GNAS: variants seen among roughly 807,000 people sequenced by gnomAD.
GNAS encodes protein ALEX.
In GNAS, 8 loss-of-function variants were observed where a neutral mutation model predicts 54.5. The ratio of observed to expected loss-of-function variants is 0.15; its 90% CI spans 0.09 to 0.26. The LOEUF is 0.26. Ranked by LOEUF, GNAS falls within the 10% of genes least tolerant of loss-of-function variation. The pLI is 1.00. For missense variants in GNAS, 170 were observed against 529.8 expected (o/e 0.32, Z 6.67); for synonymous variants, 204 against 191.4 (o/e 1.07, Z -0.54).
chr20:58,904,540 G>A (rs759584094), intron 5 of GNAS, among the ~76,000 whole-genome samples: 28 of 152,188 alleles, frequency 1.8e-4, no homozygotes, highest in Non-Finnish European at 2.8e-4. Flanking sequence ...GCTTATAAGC[G>A]GGGAACGGGA....
intron 1 of GNAS, among the ~76,000 whole-genome samples, chr20:58,879,080 T>G (rs2088043799): frequency 6.6e-6 from 1 of 152,210 alleles, no homozygotes; most frequent in South Asian, 2.1e-4. Context: ...TGCAGGCTTT[T>G]GAGAAACACA....
At chr20:58,840,753 G>A (rs142690161), upstream of GNAS, 3 of 1,606,400 alleles carry the variant, frequency 1.9e-6, no homozygotes, top group South Asian at 2.2e-5. This position sits in a 1 kb window ranked among gnomAD's most constrained non-coding sequence, Gnocchi z 6.0. Flanking sequence ...GAGAAGCAGC[G>A]GCGTCGCTGC....
At chr20:58,875,719 A>C (rs1206644279) in intron 1 of GNAS, among the ~76,000 whole-genome samples, 1 of 152,244 alleles carries the variant, frequency 6.6e-6, no homozygotes, top group Non-Finnish European at 1.5e-5. Flanking sequence ...AGTCAGGTTC[A>C]GATCGTAGCC....
upstream of GNAS, chr20:58,891,374 G>A: frequency 5.4e-6 from 1 of 183,616 alleles, no homozygotes. Context: ...GGGCGGCGGC[G>A]GGGGCCCGGC....
chr20:58,882,108 G>A (rs775854628), intron 1 of GNAS, among the ~76,000 whole-genome samples: 2 of 152,072 alleles, frequency 1.3e-5, no homozygotes, highest in Non-Finnish European at 1.5e-5. Flanking sequence ...TGGGTTTGTC[G>A]CCCAGGCTGG....
chr20:58,851,017 G>A (rs1005861326), intron 1 of GNAS: 2 of 397,886 alleles, frequency 5.0e-6, no homozygotes, highest in Non-Finnish European at 4.4e-6. Context: ...GGGTCGGAGG[G>A]GAGTGAGTTG....
chr20:58,860,908 C>T (rs1172113191), intron 1 of GNAS, among the ~76,000 whole-genome samples: 1 of 152,140 alleles, frequency 6.6e-6, no homozygotes, highest in Non-Finnish European at 1.5e-5. Context: ...GTGATCTGCC[C>T]ACCTTGGCCT....
intron 6 of GNAS, 76 bp downstream of exon 6, chr20:58,905,556 T>A: frequency 2.3e-6 from 2 of 861,310 alleles, no homozygotes; most frequent in Non-Finnish European, 4.0e-6. Flanking sequence ...GTGATCCTGC[T>A]TTGAAAGTTA....
upstream of GNAS, chr20:58,840,543 G>A (rs2145472008): frequency 6.2e-7 from 1 of 1,613,334 alleles, no homozygotes; most frequent in Middle Eastern, 1.6e-4. The surrounding 1 kb of genome is among the most constrained non-coding windows in gnomAD (Gnocchi z 6.0). Flanking sequence ...GACGATCGCG[G>A]CCCGGTGGTG....
At chr20:58,843,043 T>C (rs986598649) in intron 1 of GNAS, among the ~76,000 whole-genome samples, 1 of 152,194 alleles carries the variant, frequency 6.6e-6, no homozygotes, top group Non-Finnish European at 1.5e-5. Flanking sequence ...CTGTAAGCAA[T>C]GTACCATGTT....
In GNAS at chr20:58,856,887, T is replaced by C. The variant is rs2086541360; in HGVS notation, c.43+16001T>C. The C allele has an allele frequency of 6.6e-6, 1 of 151,142 alleles. No homozygotes were observed. Among genetic ancestry groups the C allele is most frequent in the South Asian group, 2.1e-4 (1 of 4,744 alleles). The allele number at this position is 151,142 out of a possible 1,614,324, so 9.4% of individuals were successfully genotyped here. The stretch of plus-strand genomic sequence containing the variant: ...CCCCACAGCAAGACCCTCTCCTGTA[T>C]CTCCCAGTCTTTCCCTGGCCATTCC... On this transcript the variant is annotated intron_variant, in intron 1 of 12. Coordinates refer to the GNAS transcript ENST00000306090. The surrounding 1 kb of genome is among the most constrained non-coding windows in gnomAD (Gnocchi z 4.2).
intron 1 of GNAS, among the ~76,000 whole-genome samples, chr20:58,861,928 C>T (rs940220934): frequency 1.3e-5 from 2 of 152,028 alleles, no homozygotes; most frequent in African/African-American, 2.4e-5. Flanking sequence ...GGGTCTCGAA[C>T]TCCTGACCTC....
At chr20:58,893,340 G>A (rs1165053142) in intron 1 of GNAS, among the ~76,000 whole-genome samples, 3 of 151,948 alleles carry the variant, frequency 2.0e-5, no homozygotes, top group African/African-American at 7.3e-5. Context: ...GGAAAAAAAT[G>A]TAATGAAATG....
chr20:58,876,502 C>G (rs763635838), intron 1 of GNAS: 1 of 151,814 alleles, frequency 6.6e-6, no homozygotes, highest in Non-Finnish European at 1.5e-5. Flanking sequence ...TTAAAAAGAC[C>G]CCTACATGAT....
intron 1 of GNAS, among the ~76,000 whole-genome samples, chr20:58,843,597 T>C (rs2085827649): frequency 6.6e-6 from 1 of 152,208 alleles, no homozygotes; most frequent in Non-Finnish European, 1.5e-5. Flanking sequence ...GATCTTATGG[T>C]GAACCACATA....
rs3787496 is a variant in GNAS, at chr20:58,863,399, G to T, written c.43+22513G>T. 3.3e-5 allele frequency: 5 copies of T among 152,204 alleles called. No individual in the cohort carries two copies. Among genetic ancestry groups the T allele is most frequent in the South Asian group, 4.2e-4 (2 of 4,818 alleles). 9.4% of individuals were successfully genotyped at this position (152,204 alleles called of 1,614,324 possible). A position where few individuals can be genotyped will look rare whatever the true frequency, so the allele number is the denominator to read the frequency against. On this transcript the variant is annotated intron_variant, in intron 1 of 12. Transcript: ENST00000306090. This position sits in a 1 kb window ranked among gnomAD's most constrained non-coding sequence, Gnocchi z 4.1. ...AGTTCTGCCCACAGAACTGCACATT[G>T]GATCTTACTAAATGTTTTTTAATGA...
Position 58,894,956 on chromosome 20 carries a change from C to G in GNAS, c.140-656C>G, listed in dbSNP as rs528185116. On this transcript the variant is annotated intron_variant, in intron 1 of 12. Transcript: ENST00000371085. Reference sequence around the variant, plus strand: ...ATAGTTGTACCCAGAGGGAATTTATCTTTAGAAAGATATAGTTTGTGAGGA... The same window carrying G: ...ATAGTTGTACCCAGAGGGAATTTATGTTTAGAAAGATATAGTTTGTGAGGA... Among the ~76,000 whole-genome samples the G allele has an allele frequency of 2.2e-4, 34 of 152,252 alleles. No individual in the cohort carries two copies. In the Middle Eastern group the frequency reaches 0.014, roughly 61 times the overall value.
chr20:58,910,618 C>T lies in GNAS; in HGVS notation c.1039-65C>T. 2 of 1,585,160 alleles carry T rather than the reference C, an allele frequency of 1.3e-6. No individual in the cohort carries two copies. The highest frequency in any genetic ancestry group is 4.5e-5 in the East Asian group (2 of 44,698). On this transcript the variant is annotated intron_variant, in intron 12 of 12. Transcript: ENST00000371085. The surrounding 1 kb of genome is among the most constrained non-coding windows in gnomAD (Gnocchi z 5.8). ...TGACAGCCGTCCCTGGTAGGTGTCC[C>T]CATCAGGGATAGGGTGGTTCCTGGC...
intron 1 of GNAS, chr20:58,854,418 G>A: frequency 6.4e-7 from 1 of 1,569,116 alleles, no homozygotes; most frequent in Non-Finnish European, 8.6e-7. Context: ...TGCCGCCGGG[G>A]CAGCCTCAGC....
Sources: allele counts gnomAD v4.1 joint callset (sites outside exome capture counted in the v4.1 genomes callset), GRCh38; gene constraint gnomAD v4.1.1; non-coding constraint Gnocchi (gnomAD v3.1); transcripts MANE v1.5; gene names NCBI Gene and HGNC (gene_info 2026-07-23, HGNC 2026-07-21).